KIFAP3: variants seen among roughly 807,000 people sequenced by gnomAD.
KIFAP3 encodes kinesin-associated protein 3.
In KIFAP3, 68 loss-of-function variants were observed where a neutral mutation model predicts 106.5. The ratio of observed to expected loss-of-function variants is 0.64; its 90% CI spans 0.53 to 0.78. The LOEUF (loss-of-function observed/expected upper bound fraction) is 0.78. Among genes scored for constraint, KIFAP3 ranks in the 30% least tolerant of loss-of-function variants. The pLI is 0.00. For synonymous variants in KIFAP3, 320 were observed against 311.5 expected (o/e 1.03, Z -0.29); for missense variants, 780 against 941.8 (o/e 0.83, Z 2.25).
At chr1:169,964,904 A>C (rs190965330) in intron 17 of KIFAP3, among the ~76,000 whole-genome samples, 1 of 152,280 alleles carries the variant, frequency 6.6e-6, no homozygotes, top group Admixed American at 6.5e-5. Context: ...GCTCAATTAA[A>C]GTTAGCTGCA....
intron 10 of KIFAP3, among the ~76,000 whole-genome samples, chr1:170,001,733 A>C (rs1056974140): frequency 1.3e-5 from 2 of 152,172 alleles, no homozygotes; most frequent in Non-Finnish European, 2.9e-5. Flanking sequence ...ATCTACTTTA[A>C]GTTTCTTAAA....
In KIFAP3 at chr1:169,940,636, A is replaced by T. The variant is rs1664054993; in HGVS notation, c.2273+13375T>A. Among the ~76,000 whole-genome samples, 3 of 152,146 alleles carry T rather than the reference A, an allele frequency of 2.0e-5. 1 individual carries two copies. The South Asian group carries it at 6.2e-4, about 32-fold the overall frequency. ...CTAATGCCGCTGCTCATGCAACAGG[A>T]GGTGGAGCTTAGGCAGTAAGGTTTG... On this transcript the variant is annotated intron_variant, in intron 19 of 19. Transcript: ENST00000361580.
intron 19 of KIFAP3, among the ~76,000 whole-genome samples, chr1:169,952,834 T>C (rs1331886674): frequency 6.6e-6 from 1 of 152,138 alleles, no homozygotes; most frequent in African/African-American, 2.4e-5. Context: ...GGATAATCCA[T>C]AATGGCTGAA....
chr1:170,028,510 G>GT (rs1408389932), intron 8 of KIFAP3, among the ~76,000 whole-genome samples: 1 of 151,972 alleles, frequency 6.6e-6, no homozygotes, highest in Non-Finnish European at 1.5e-5. Flanking sequence ...GCTAATTTTT[G>GT]TTTTTTGGTG....
At chr1:169,996,032 T>G (rs1667358102) in intron 10 of KIFAP3, among the ~76,000 whole-genome samples, 1 of 152,134 alleles carries the variant, frequency 6.6e-6, no homozygotes, top group East Asian at 1.9e-4. Context: ...AGATGAATAA[T>G]ATAGATAAGA....
At chr1:170,052,834 A>G (rs548874595) in intron 2 of KIFAP3, among the ~76,000 whole-genome samples, 3 of 152,170 alleles carry the variant, frequency 2.0e-5, no homozygotes, top group Non-Finnish European at 2.9e-5. Flanking sequence ...GTACTGATGG[A>G]ACATATCTCA....
At chr1:170,001,285 A>G (rs935520456) in intron 10 of KIFAP3, among the ~76,000 whole-genome samples, 6 of 152,176 alleles carry the variant, frequency 3.9e-5, no homozygotes, top group Admixed American at 6.6e-5. Flanking sequence ...TGTCCAAATC[A>G]TTGACTTAAT....
At chr1:170,019,459 A>C (rs886651810) in intron 9 of KIFAP3, among the ~76,000 whole-genome samples, 3 of 152,160 alleles carry the variant, frequency 2.0e-5, no homozygotes, top group African/African-American at 7.2e-5. Context: ...AATATATATA[A>C]AAGAGCAATA....
intron 9 of KIFAP3, chr1:170,024,217 T>C (rs1668997719): frequency 5.0e-6 from 2 of 397,642 alleles, no homozygotes; most frequent in East Asian, 4.0e-5. Context: ...ATGATTTTTA[T>C]TCAGAAAGCT....
At chr1:169,965,432 G>A (rs1024695832) in intron 17 of KIFAP3, among the ~76,000 whole-genome samples, 1 of 151,846 alleles carries the variant, frequency 6.6e-6, no homozygotes, top group African/African-American at 2.4e-5. Context: ...TAAAATATGT[G>A]GTCTGCTATT....
At chr1:169,973,742 T>G (rs982234951) in intron 16 of KIFAP3, among the ~76,000 whole-genome samples, 14 of 151,776 alleles carry the variant, frequency 9.2e-5, no homozygotes, top group African/African-American at 3.4e-4. Flanking sequence ...CTATATTCTG[T>G]TAAATTATTA....
At chr1:170,081,990 G>A (rs1457858152) in intron 1 of KIFAP3, among the ~76,000 whole-genome samples, 1 of 152,136 alleles carries the variant, frequency 6.6e-6, no homozygotes, top group African/African-American at 2.4e-5. Flanking sequence ...TAATACTTGT[G>A]AGAATGCAAA....
At chr1:170,034,532 A>T (rs576700582) in intron 6 of KIFAP3, 36 bp from the exon 7 acceptor site, 6 of 1,162,552 alleles carry the variant, frequency 5.2e-6, no homozygotes, top group Non-Finnish European at 7.2e-6. Context: ...ATTTAAAAGA[A>T]TACATTTTAT....
intron 19 of KIFAP3, among the ~76,000 whole-genome samples, chr1:169,924,660 C>G (rs1375575968): frequency 2.0e-5 from 3 of 152,114 alleles, no homozygotes. Flanking sequence ...TGGGGGAAAT[C>G]AGGCTTTCTA....
intron 4 of KIFAP3, among the ~76,000 whole-genome samples, chr1:170,038,706 C>T (rs1014846477): frequency 2.6e-5 from 4 of 152,250 alleles, no homozygotes; most frequent in South Asian, 2.1e-4. Flanking sequence ...GTATCTACTA[C>T]AGTAGATTAA....
Position 170,031,926 on chromosome 1 carries a change from C to T in KIFAP3, c.801G>A (p.Lys267=), listed in dbSNP as rs1469803819. The T allele has an allele frequency of 6.2e-7, 1 of 1,611,038 alleles. No homozygotes were observed. Among genetic ancestry groups the T allele is most frequent in the South Asian group, 1.1e-5 (1 of 90,724 alleles). ...CCTGTTTTACCACAAGCCCCTGGTACTTTTTAAAGGTTTTTTCATAATCCT... is the reference window on the plus strand; with the variant it reads ...CCTGTTTTACCACAAGCCCCTGGTATTTTTTAAAGGTTTTTTCATAATCCT... ...LRKDYEKTFK[K]YQGLVVKQEQ... is the part of the protein sequence containing the mutation. Residue 267 remains lysine, a synonymous_variant, in exon 8 of 20, where the codon AAG becomes AAA. Coordinates refer to ENST00000361580, the MANE Select transcript of KIFAP3 (RefSeq NM_014970.4).
chr1:169,926,461 C>T (rs1306342966), intron 19 of KIFAP3, among the ~76,000 whole-genome samples: 1 of 152,024 alleles, frequency 6.6e-6, no homozygotes, highest in African/African-American at 2.4e-5. Flanking sequence ...ATAAAAGATC[C>T]TATATCTGAC....
intron 3 of KIFAP3, among the ~76,000 whole-genome samples, chr1:170,040,607 T>C (rs1251394652): frequency 6.6e-6 from 1 of 152,178 alleles, no homozygotes; most frequent in African/African-American, 2.4e-5. Flanking sequence ...CAACCTACAA[T>C]AAGTAGACGC....
chr1:170,029,338 G>A (rs78093080), intron 8 of KIFAP3, among the ~76,000 whole-genome samples: 9,598 of 151,950 alleles, frequency 0.063, 383 homozygotes, highest in Non-Finnish European at 0.095. Context: ...GTACAGAAAA[G>A]CATCAACACA....
Sources: allele counts gnomAD v4.1 joint callset (sites outside exome capture counted in the v4.1 genomes callset), GRCh38; gene constraint gnomAD v4.1.1; transcripts MANE v1.5; gene names NCBI Gene and HGNC (gene_info 2026-07-23, HGNC 2026-07-21).